The following GSE1 variants were observed in gnomAD, a reference collection of about 807,000 sequenced individuals.
The protein encoded by GSE1 is Gse1 coiled-coil protein, also known as genetic suppressor element 1.
Under a neutral mutation model 112.6 loss-of-function variants are expected in GSE1, and 32 were observed. The observed-to-expected ratio is 0.28, with a 90% CI of 0.21 to 0.38. The LOEUF (loss-of-function observed/expected upper bound fraction) is 0.38, where lower values mean the gene tolerates loss of function less well. Among genes scored for constraint, GSE1 ranks in the 10% least tolerant of loss-of-function variants. GSE1 has a pLI of 1.00. For missense variants in GSE1, 2,348 were observed against 1,699.2 expected, an observed-to-expected ratio of 1.38 and a Z score of -6.71; for synonymous variants, 1,115 against 735.6, an observed-to-expected ratio of 1.52 and a Z score of -8.35.
At chr16:85,221,709 T>C (rs2075396664) in intron 1 of GSE1, among the ~76,000 whole-genome samples, 1 of 152,146 alleles carries the variant, frequency 6.6e-6, no homozygotes, top group Non-Finnish European at 1.5e-5. Context: ...AGCAGCCCTT[T>C]AAGCCCAGAG....
At chr16:85,526,418 C>T (rs76627956) in intron 2 of GSE1, among the ~76,000 whole-genome samples, 6 of 152,212 alleles carry the variant, frequency 3.9e-5, no homozygotes, top group African/African-American at 9.6e-5. Flanking sequence ...GTGAGAAGAA[C>T]GGCCAGTCCC....
chr16:85,522,663 C>A (rs1053833177), intron 2 of GSE1, among the ~76,000 whole-genome samples: 1 of 152,174 alleles, frequency 6.6e-6, no homozygotes, highest in Admixed American at 6.5e-5. Context: ...CAGGCCGGCT[C>A]CGAGTCCGTG....
chr16:85,656,267 C>CT, intron 6 of GSE1, 76 bp from the exon 7 acceptor site: 8 of 1,556,760 alleles, frequency 5.1e-6, no homozygotes, highest in Non-Finnish European at 6.9e-6. Context: ...CCTGGTTATG[C>CT]TTTTTAAGGG....
At chr16:85,469,433 C>G (rs2050220203) in intron 2 of GSE1, among the ~76,000 whole-genome samples, 2 of 152,152 alleles carry the variant, frequency 1.3e-5, no homozygotes, top group South Asian at 2.1e-4. Context: ...GAAGGACCCT[C>G]CTGAAGAGCT....
rs138823075 is a variant in GSE1, at chr16:85,280,124, G to C, written c.2284-77339G>C. Among the ~76,000 whole-genome samples, 95 of 152,342 alleles carry C rather than the reference G, an allele frequency of 6.2e-4. 1 individual carries two copies. In the East Asian group the frequency reaches 0.016, roughly 26 times the overall value. ...CAGCACTCTCTCCAGAGTGCATGCT[G>C]TTTCGGAGCAGATGGAACTGGCCCT... On this transcript the variant is annotated intron_variant, in intron 1 of 2. Transcript: ENST00000637419.
At position 85,666,128 on chromosome 16, in the gene GSE1, G is replaced by C. The variant is rs146913682; in HGVS notation, c.2911G>C (p.Gly971Arg). 2 of 1,613,124 alleles carry C rather than the reference G, an allele frequency of 1.2e-6. No homozygotes were observed. Among genetic ancestry groups the C allele is most frequent in the African/African-American group, 1.3e-5 (1 of 74,932 alleles). Reference sequence around the variant, plus strand: ...AGTCCAGGAGCTAGCTCCTGCCAGCGGGGAGAAGGCCAGGCTGAGCGAGGC... The same window carrying C: ...AGTCCAGGAGCTAGCTCCTGCCAGCCGGGAGAAGGCCAGGCTGAGCGAGGC... ...SRVQELAPAS[G>R]EKARLSEAPG... Residue 971 changes from glycine (G) to arginine (R), a missense_variant, in exon 13 of 16, where the codon GGG (glycine) becomes CGG (arginine). By Grantham distance (125) the Gly-to-Arg change is moderately radical. Coordinates refer to ENST00000253458, the MANE Select transcript of GSE1 (RefSeq NM_014615.5).
At chr16:85,428,319 G>A (rs2049039287) in intron 2 of GSE1, among the ~76,000 whole-genome samples, 1 of 152,236 alleles carries the variant, frequency 6.6e-6, no homozygotes, top group Non-Finnish European at 1.5e-5. Context: ...GAGGGGCAAC[G>A]ATGGGCAGAG....
Position 85,373,536 on chromosome 16 carries a change from G to A in GSE1, c.2464+15893G>A, listed in dbSNP as rs992882615. Among the ~76,000 whole-genome samples, 1 of 152,136 alleles carries A rather than the reference G, an allele frequency of 6.6e-6. No homozygotes were observed. The highest frequency in any genetic ancestry group is 1.5e-5 in the Non-Finnish European group (1 of 68,002). ...GGCAGCTGCCTCCCGGGGCCCCTGG[G>A]AGAATGGGCTGGGGCACTGTGTATA... On this transcript the variant is annotated intron_variant, in intron 2 of 2. Coordinates refer to the GSE1 transcript ENST00000637419. This position sits in a 1 kb window ranked among gnomAD's most constrained non-coding sequence, Gnocchi z 5.1.
chr16:85,637,291 A>G (rs1268545563), intron 2 of GSE1, among the ~76,000 whole-genome samples: 1 of 152,192 alleles, frequency 6.6e-6, no homozygotes, highest in Non-Finnish European at 1.5e-5. Context: ...TGAGCGTGAC[A>G]TCTCCTGGTC....
chr16:85,396,814 G>A (rs1047889903), intron 2 of GSE1, among the ~76,000 whole-genome samples: 6 of 152,216 alleles, frequency 3.9e-5, no homozygotes, highest in Admixed American at 3.3e-4. Flanking sequence ...CCATGGGCTG[G>A]GCGGTTGCCT....
intron 2 of GSE1, among the ~76,000 whole-genome samples, chr16:85,640,058 C>A (rs1012487817): frequency 1.3e-5 from 2 of 152,188 alleles, no homozygotes; most frequent in African/African-American, 2.4e-5. Flanking sequence ...CCCAGGTGGG[C>A]TGGAGAGCCG....
upstream of GSE1, among the ~76,000 whole-genome samples, chr16:85,612,281 G>T (rs988729398): frequency 6.6e-6 from 1 of 152,048 alleles, no homozygotes. Context: ...GGAGCCGGGG[G>T]GTGGGAAGGC....
chr16:85,391,981 A>T (rs1051052747), intron 2 of GSE1, among the ~76,000 whole-genome samples: 6 of 152,010 alleles, frequency 3.9e-5, no homozygotes, highest in African/African-American at 1.5e-4. Context: ...GTGTTGGTGG[A>T]TACCTCCCCA....
intron 2 of GSE1, among the ~76,000 whole-genome samples, chr16:85,482,081 T>C (rs2050697691): frequency 6.6e-6 from 1 of 152,226 alleles, no homozygotes; most frequent in Non-Finnish European, 1.5e-5. Context: ...GCCGCTGTTG[T>C]GGACGACCCA....
chr16:85,324,151 C>A lies in GSE1; in HGVS notation c.2284-33312C>A, dbSNP rs2151504132. On this transcript the variant is annotated intron_variant, in intron 1 of 2. Coordinates refer to the GSE1 transcript ENST00000637419. The stretch of plus-strand genomic sequence containing the variant: ...TGCCATGGAAAACAGCCTGGCAGCT[C>A]CTCAGATGATGAACTTAGAGTTGCC... Among the ~76,000 whole-genome samples, 2 of 152,284 alleles carry A rather than the reference C, an allele frequency of 1.3e-5. 1 individual carries two copies. The highest frequency in any genetic ancestry group is 4.1e-4 in the South Asian group (2 of 4,820).
intron 1 of GSE1, among the ~76,000 whole-genome samples, chr16:85,562,333 T>G (rs1257033696): frequency 1.3e-5 from 2 of 152,224 alleles, no homozygotes; most frequent in African/African-American, 2.4e-5. Flanking sequence ...CCCAGCCCTT[T>G]TCCGAGGGGC....
intron 1 of GSE1, among the ~76,000 whole-genome samples, chr16:85,222,084 C>T (rs1418696105): frequency 6.6e-6 from 1 of 152,124 alleles, no homozygotes; most frequent in Non-Finnish European, 1.5e-5. Flanking sequence ...GGGGACAGGA[C>T]ACTAGTCCTC....
chr16:85,497,825 C>T (rs1194539533), intron 2 of GSE1, among the ~76,000 whole-genome samples: 1 of 152,186 alleles, frequency 6.6e-6, no homozygotes, highest in South Asian at 2.1e-4. Context: ...CAGCCAGCAC[C>T]ATCTCAGCAC....
intron 2 of GSE1, among the ~76,000 whole-genome samples, chr16:85,646,232 C>T (rs578226660): frequency 7.0e-4 from 107 of 152,060 alleles, no homozygotes; most frequent in African/African-American, 2.4e-3. Context: ...TTCTACCACG[C>T]ATTCTACCTG....
Sources: allele counts gnomAD v4.1 joint callset (sites outside exome capture counted in the v4.1 genomes callset), GRCh38; gene constraint gnomAD v4.1.1; non-coding constraint Gnocchi (gnomAD v3.1); transcripts MANE v1.5; gene names NCBI Gene and HGNC (gene_info 2026-07-23, HGNC 2026-07-21).